The following SNX25 variants were observed in gnomAD, a reference collection of about 807,000 sequenced individuals.
SNX25 encodes the protein sorting nexin-25.
Under a neutral mutation model 113.7 loss-of-function variants are expected in SNX25, and 62 were observed. The observed-to-expected ratio is 0.55, with a 90% CI of 0.44 to 0.67. The LOEUF is 0.67. Ranked by LOEUF, SNX25 falls within the 30% of genes least tolerant of loss-of-function variation. The pLI, the probability that SNX25 is intolerant of heterozygous loss-of-function variation, is 0.00. For synonymous variants in SNX25, 421 were observed against 436.2 expected, an observed-to-expected ratio of 0.97 and a Z score of 0.43; for missense variants, 1,014 against 1,161.0, an observed-to-expected ratio of 0.87 and a Z score of 1.84.
chr4:185,349,390 C>A (rs115807306), intron 13 of SNX25, among the ~76,000 whole-genome samples: 82 of 152,268 alleles, frequency 5.4e-4, no homozygotes, highest in African/African-American at 2.0e-3. Context: ...GCAGATATAT[C>A]TTTGACATAC....
intron 5 of SNX25, among the ~76,000 whole-genome samples, chr4:185,268,072 C>G (rs190934759): frequency 6.6e-6 from 1 of 152,254 alleles, no homozygotes; most frequent in Admixed American, 6.5e-5. Context: ...TAAGTGGACT[C>G]ATGCAGTTCA....
downstream of SNX25, chr4:185,367,012 T>A: frequency 1.6e-6 from 1 of 612,488 alleles, no homozygotes; most frequent in African/African-American, 1.8e-5. Context: ...AGGTTTCAAG[T>A]TGCAAAACTT....
In SNX25 at chr4:185,288,176, C is replaced by G. The variant is rs531582609; in HGVS notation, c.1162+94C>G. 33 of 832,734 alleles carry G rather than the reference C, an allele frequency of 4.0e-5. No homozygotes were observed. The South Asian group carries it at 5.2e-4, about 13-fold the overall frequency. 51.6% of individuals were successfully genotyped at this position (832,734 alleles called of 1,614,324 possible). A position where few individuals can be genotyped will look rare whatever the true frequency, so the allele number is the denominator to read the frequency against. On this transcript the variant is annotated intron_variant, in intron 6 of 18. Coordinates refer to ENST00000652585, the MANE Select transcript of SNX25 (RefSeq NM_001378034.2). ...CTGTCAGATCTTTGGCAAATAGGAG[C>G]TTTTCTGGCTTACATTTAAATATTT...
At chr4:185,204,984 C>T (rs368271203), upstream of SNX25, among the ~76,000 whole-genome samples, 1 of 152,188 alleles carries the variant, frequency 6.6e-6, no homozygotes, top group South Asian at 2.1e-4. Context: ...GGTATACAAT[C>T]CAGTAGTTAA....
intron 13 of SNX25, among the ~76,000 whole-genome samples, chr4:185,351,049 A>G (rs1435678402): frequency 6.6e-6 from 1 of 151,714 alleles, no homozygotes; most frequent in Non-Finnish European, 1.5e-5. Flanking sequence ...AGAGGTATCC[A>G]TGTGTAATTT....
intron 15 of SNX25, 29 bp from the exon 16 acceptor site, chr4:185,357,642 A>G (rs778934084): frequency 8.1e-6 from 13 of 1,595,736 alleles, no homozygotes; most frequent in Middle Eastern, 1.7e-4. Context: ...GCCCTGTGAT[A>G]AAAAGTTTTC....
intron 3 of SNX25, among the ~76,000 whole-genome samples, chr4:185,261,940 T>C (rs1297431982): frequency 6.6e-6 from 1 of 152,234 alleles, no homozygotes; most frequent in Non-Finnish European, 1.5e-5. Context: ...TTGTCTAATA[T>C]TGTCTGTGTA....
intron 1 of SNX25, among the ~76,000 whole-genome samples, chr4:185,212,696 G>A (rs1738142712): frequency 6.6e-6 from 1 of 152,114 alleles, no homozygotes; most frequent in East Asian, 1.9e-4. Flanking sequence ...GTGGGAAGCA[G>A]AAGCATGTGG....
downstream of SNX25, chr4:185,370,679 G>C: frequency 1.2e-6 from 2 of 1,614,056 alleles, no homozygotes; most frequent in Non-Finnish European, 1.7e-6. Context: ...CATCCCTGGT[G>C]ATGCCCAAGC....
At chr4:185,240,131 T>C (rs1743492761) in intron 1 of SNX25, among the ~76,000 whole-genome samples, 1 of 151,894 alleles carries the variant, frequency 6.6e-6, no homozygotes, top group Non-Finnish European at 1.5e-5. Flanking sequence ...TTTTTCTTAG[T>C]ACAGAACAAA....
intron 1 of SNX25, among the ~76,000 whole-genome samples, chr4:185,231,760 T>C (rs972888861): frequency 6.6e-6 from 1 of 151,872 alleles, no homozygotes; most frequent in Non-Finnish European, 1.5e-5. Context: ...AACACATTTA[T>C]TTTAGAATTT....
chr4:185,212,314 A>T (rs924738820), intron 1 of SNX25, among the ~76,000 whole-genome samples: 5 of 148,666 alleles, frequency 3.4e-5, no homozygotes, highest in African/African-American at 7.4e-5. Flanking sequence ...ATTTTTTTTT[A>T]AATTTTTTAA....
In SNX25 at chr4:185,222,103, TAGATATATAGC is replaced by T. The variant is rs576900125; in HGVS notation, c.429+11861_429+11871del. Among the ~76,000 whole-genome samples the T allele has an allele frequency of 4.0e-3, 77 of 19,350 alleles. 3 individuals are homozygous for T. The highest frequency in any genetic ancestry group is 0.01 in the African/African-American group (71 of 6,892). 12.7% of individuals were successfully genotyped at this position (19,350 alleles called of 152,430 possible). A position where few individuals can be genotyped will look rare whatever the true frequency, so the allele number is the denominator to read the frequency against. Reference sequence around the variant, plus strand: ...AGCGCCATATACCCCTCCTTCACGGTAGATATATAGCAGATATATAGCACCATATACCCCCC... The same window carrying T: ...AGCGCCATATACCCCTCCTTCACGGTAGATATATAGCACCATATACCCCCC... On this transcript the variant is annotated intron_variant, in intron 1 of 18. Transcript: ENST00000652585.
chr4:185,325,766 T>C (rs2095152972), intron 9 of SNX25, among the ~76,000 whole-genome samples: 1 of 152,202 alleles, frequency 6.6e-6, no homozygotes, highest in Non-Finnish European at 1.5e-5. Context: ...TTTTCTCCTC[T>C]TGAGATTCCA....
Position 185,247,390 on chromosome 4 carries a change from A to G in SNX25, c.514+12A>G. 1 of 1,492,320 alleles carries G rather than the reference A, an allele frequency of 6.7e-7. No individual in the cohort carries two copies. The highest frequency in any genetic ancestry group is 1.1e-5 in the South Asian group (1 of 88,414). The allele number at this position is 1,492,320 out of a possible 1,614,324, so 92.4% of individuals were successfully genotyped here. A position where few individuals can be genotyped will look rare whatever the true frequency, so the allele number is the denominator to read the frequency against. On this transcript the variant is annotated intron_variant, in intron 2 of 18. Transcript: ENST00000652585. ...AGCTCTGAAAGAAGGTAAGGATTAA[A>G]TGAGAGTATATAATTACCATGTAAA...
At chr4:185,315,457 C>T (rs1037845262) in intron 7 of SNX25, among the ~76,000 whole-genome samples, 7 of 151,832 alleles carry the variant, frequency 4.6e-5, no homozygotes, top group African/African-American at 1.7e-4. Context: ...CCACGCCCAG[C>T]TAATGTTTGT....
intron 15 of SNX25, among the ~76,000 whole-genome samples, chr4:185,353,816 C>T (rs961571311): frequency 5.9e-5 from 9 of 152,032 alleles, no homozygotes; most frequent in African/African-American, 1.7e-4. Flanking sequence ...GAGGCCAAGG[C>T]GGGTGGATCA....
chr4:185,243,536 A>G (rs997361329), intron 1 of SNX25, among the ~76,000 whole-genome samples: 1 of 152,124 alleles, frequency 6.6e-6, no homozygotes, highest in Non-Finnish European at 1.5e-5. Flanking sequence ...CGGGAGATTG[A>G]GGCTACAGTG....
intron 5 of SNX25, among the ~76,000 whole-genome samples, chr4:185,285,882 C>T (rs1364531378): frequency 6.6e-6 from 1 of 151,944 alleles, no homozygotes; most frequent in Admixed American, 6.6e-5. Flanking sequence ...AAGTGATCCT[C>T]CTGCCTCAGG....
Sources: allele counts gnomAD v4.1 joint callset (sites outside exome capture counted in the v4.1 genomes callset), GRCh38; gene constraint gnomAD v4.1.1; transcripts MANE v1.5; gene names NCBI Gene and HGNC (gene_info 2026-07-23, HGNC 2026-07-21).